The following CACUL1 variants were observed in gnomAD, a reference collection of about 807,000 sequenced individuals.
CACUL1 encodes CDK2-associated and cullin domain-containing protein 1.
A neutral mutation model predicts 45.2 loss-of-function variants in CACUL1; 13 were observed. That is an observed-to-expected ratio of 0.29 (90% CI 0.19 to 0.46). The LOEUF is 0.46. CACUL1 is among the 20% of genes least tolerant of loss of function. The pLI, the probability that CACUL1 is intolerant of heterozygous loss-of-function variation, is 1.00. For synonymous variants in CACUL1, 197 were observed against 174.2 expected (o/e 1.13, Z -1.03); for missense variants, 421 against 471.4 (o/e 0.89, Z 0.99).
In CACUL1 at chr10:118,686,037, A is replaced by AGT. The variant is rs1159183560; in HGVS notation, c.*89_*90dup. The AGT allele has an allele frequency of 2.7e-5, 22 of 829,354 alleles. No individual in the cohort carries two copies. The East Asian group carries it at 5.0e-4, about 19-fold the overall frequency. 51.4% of individuals were successfully genotyped at this position (829,354 alleles called of 1,614,324 possible). A position where few individuals can be genotyped will look rare whatever the true frequency, so the allele number is the denominator to read the frequency against. ...GAACAGCTTTGTGACAGAGCTCCTG[A>AGT]GTGTGTGCAGCCCCCACTGTGCTCT... On this transcript the variant is annotated 3_prime_UTR_variant, in exon 9 of 9. Transcript: ENST00000369151.
intron 1 of CACUL1, among the ~76,000 whole-genome samples, chr10:118,743,873 T>C (rs1845815741): frequency 6.6e-6 from 1 of 152,082 alleles, no homozygotes; most frequent in Non-Finnish European, 1.5e-5. Flanking sequence ...AATAAAGATC[T>C]CTGCAGACAA....
At chr10:118,698,135 C>A (rs1157780559) in intron 5 of CACUL1, among the ~76,000 whole-genome samples, 1 of 150,588 alleles carries the variant, frequency 6.6e-6, no homozygotes, top group Non-Finnish European at 1.5e-5. Context: ...ATTCTTCTGA[C>A]AAACCTCTTT....
At chr10:118,724,581 A>G (rs1845635076) in intron 3 of CACUL1, among the ~76,000 whole-genome samples, 1 of 152,202 alleles carries the variant, frequency 6.6e-6, no homozygotes, top group Non-Finnish European at 1.5e-5. Context: ...AGCAATAAAT[A>G]GTATTTTAGA....
Position 118,686,143 on chromosome 10 carries a change from G to A in CACUL1, c.1095C>T (p.Ser365=), listed in dbSNP as rs1472990002. 2 of 1,612,710 alleles carry A rather than the reference G, an allele frequency of 1.2e-6. No individual in the cohort carries two copies. The highest frequency in any genetic ancestry group is 3.3e-5 in the Admixed American group (2 of 59,992). Residue 365 remains serine, a synonymous_variant, in exon 9 of 9, where the codon TCC becomes TCT. Transcript: ENST00000369151. ...AATACATTCACTATCTGTACCCCCT[G>A]GAACTTGCACATGCTGACGAGCTAT... The part of the protein sequence containing the change: ...AYNSSSACAS[S]RGYR
rs191859560 is a variant in CACUL1 at position 118,743,641 on chromosome 10, A to G, written c.367+10755T>C. Among the ~76,000 whole-genome samples the G allele has an allele frequency of 3.9e-3, 597 of 152,236 alleles. 5 individuals are homozygous for G. The highest frequency in any genetic ancestry group is 0.012 in the African/African-American group (495 of 41,552). ...CTATTCAGGAGGCTGAGGCAGGAGA[A>G]TCACTTGAACCCGGGAGGTGGAGGT... On this transcript the variant is annotated intron_variant, in intron 1 of 8. Coordinates refer to ENST00000369151, the MANE Select transcript of CACUL1 (RefSeq NM_153810.5).
At chr10:118,748,050 A>G (rs552591823) in intron 1 of CACUL1, among the ~76,000 whole-genome samples, 1 of 152,170 alleles carries the variant, frequency 6.6e-6, no homozygotes, top group South Asian at 2.1e-4. Flanking sequence ...GTGCCACTGC[A>G]CTCCAGCCTG....
At chr10:118,694,873 T>G in intron 6 of CACUL1, 1 of 292,374 alleles carries the variant, frequency 3.4e-6, no homozygotes, top group Non-Finnish European at 6.7e-6. Flanking sequence ...AACATGAGAT[T>G]CAATTTTATC....
At chr10:118,720,143 T>G (rs1303936619) in intron 3 of CACUL1, among the ~76,000 whole-genome samples, 1 of 152,220 alleles carries the variant, frequency 6.6e-6, no homozygotes, top group Non-Finnish European at 1.5e-5. Context: ...TAAGACTTCC[T>G]TAATTTTCCA....
At chr10:118,702,377 G>A (rs989481219) in intron 4 of CACUL1, among the ~76,000 whole-genome samples, 3 of 152,120 alleles carry the variant, frequency 2.0e-5, no homozygotes, top group African/African-American at 4.8e-5. Context: ...CCGATGTTAC[G>A]GAGAGCAGAG....
chr10:118,728,417 G>A (rs1464746113), intron 3 of CACUL1, among the ~76,000 whole-genome samples: 1 of 151,502 alleles, frequency 6.6e-6, no homozygotes, highest in Admixed American at 6.6e-5. Context: ...GGGTTCAAGC[G>A]ATTTCCCTGC....
Position 118,725,328 on chromosome 10 carries a change from C to T in CACUL1, c.597+3967G>A, listed in dbSNP as rs917084012. On this transcript the variant is annotated intron_variant, in intron 3 of 8. Transcript: ENST00000369151. ...ACAAGAAATACAAAAATTAGCTAGG[C>T]ATGGTGGTGCACACCTGTAGTCCCA... Among the ~76,000 whole-genome samples the T allele has an allele frequency of 3.3e-5, 5 of 152,192 alleles. No homozygotes were observed. The East Asian group carries it at 9.7e-4, about 29-fold the overall frequency.
At chr10:118,695,993 T>C (rs1198899187) in intron 5 of CACUL1, among the ~76,000 whole-genome samples, 1 of 152,250 alleles carries the variant, frequency 6.6e-6, no homozygotes, top group Non-Finnish European at 1.5e-5. Context: ...AGTAGGATTT[T>C]ACCCTCAGCC....
At chr10:118,690,324 A>T (rs1390833220) in intron 7 of CACUL1, among the ~76,000 whole-genome samples, 1 of 151,428 alleles carries the variant, frequency 6.6e-6, no homozygotes, top group East Asian at 1.9e-4. Flanking sequence ...AAAAAAAAAA[A>T]AAAAAAAGAG....
chr10:118,713,414 G>A (rs559183131), intron 3 of CACUL1, among the ~76,000 whole-genome samples: 71 of 152,224 alleles, frequency 4.7e-4, no homozygotes, highest in African/African-American at 1.6e-3. Flanking sequence ...GGCTCTTGCC[G>A]GCTCCATGGA....
intron 1 of CACUL1, among the ~76,000 whole-genome samples, chr10:118,737,240 G>T (rs1238608996): frequency 2.0e-5 from 3 of 151,838 alleles, no homozygotes; most frequent in African/African-American, 7.3e-5. Flanking sequence ...CTTAAAAGTT[G>T]TGTGCTTTAG....
chr10:118,746,316 G>C (rs1463007680), intron 1 of CACUL1, among the ~76,000 whole-genome samples: 1 of 152,128 alleles, frequency 6.6e-6, no homozygotes, highest in Non-Finnish European at 1.5e-5. Context: ...CACATACATG[G>C]TCAGTTATTT....
At chr10:118,717,265 C>A (rs1444159292) in intron 3 of CACUL1, among the ~76,000 whole-genome samples, 1 of 152,204 alleles carries the variant, frequency 6.6e-6, no homozygotes, top group African/African-American at 2.4e-5. Flanking sequence ...GTAACACAGG[C>A]ATTTACTGCA....
chr10:118,725,454 T>A (rs1845643495), intron 3 of CACUL1, among the ~76,000 whole-genome samples: 1 of 152,154 alleles, frequency 6.6e-6, no homozygotes, highest in South Asian at 2.1e-4. Flanking sequence ...GGTAACAGAC[T>A]GAGACACTGT....
chr10:118,716,903 A>G (rs1845552473), intron 3 of CACUL1, among the ~76,000 whole-genome samples: 1 of 152,162 alleles, frequency 6.6e-6, no homozygotes, highest in Admixed American at 6.5e-5. Flanking sequence ...AGCCCAGCGC[A>G]CTATCTTATT....
Sources: allele counts gnomAD v4.1 joint callset (sites outside exome capture counted in the v4.1 genomes callset), GRCh38; gene constraint gnomAD v4.1.1; transcripts MANE v1.5; gene names NCBI Gene and HGNC (gene_info 2026-07-23, HGNC 2026-07-21).